Variants in CAMTA1 observed in about 807,000 individuals in gnomAD.
CAMTA1 encodes calmodulin-binding transcription activator 1.
A neutral mutation model predicts 170.9 loss-of-function variants in CAMTA1; 27 were observed. The ratio of observed to expected loss-of-function variants is 0.16; its 90% CI spans 0.12 to 0.22. CAMTA1 has a LOEUF of 0.22. CAMTA1 is among the 10% of genes least tolerant of loss of function. The probability of loss-of-function intolerance (pLI) is 1.00; values close to 1 mark genes in which losing one functional copy is unlikely to be tolerated. For missense variants in CAMTA1, 1,619 were observed against 2,217.2 expected, an observed-to-expected ratio of 0.73 and a Z score of 5.42; for synonymous variants, 833 against 891.5, an observed-to-expected ratio of 0.93 and a Z score of 1.17.
chr1:7,240,018 A>G lies in CAMTA1; in HGVS notation c.303-9473A>G, dbSNP rs142656335. On this transcript the variant is annotated intron_variant, in intron 4 of 22. Transcript: ENST00000303635. Reference sequence around the variant, plus strand: ...CTCTTATTAGGCCTGACCTCCCAACAGTGTTGTAGTGGGGATTAAGTTTCC... The same window carrying G: ...CTCTTATTAGGCCTGACCTCCCAACGGTGTTGTAGTGGGGATTAAGTTTCC... Among the ~76,000 whole-genome samples the G allele has an allele frequency of 5.1e-3, 770 of 152,300 alleles. 15 individuals are homozygous for G. The highest frequency in any genetic ancestry group is 0.039 in the Admixed American group (593 of 15,296).
chr1:7,296,828 A>G (rs1341617234), intron 5 of CAMTA1, among the ~76,000 whole-genome samples: 2 of 152,148 alleles, frequency 1.3e-5, no homozygotes, highest in East Asian at 3.8e-4. Context: ...GAGAAAGAGT[A>G]TAAAGGAGAG....
At chr1:7,085,077 G>A (rs1446526712) in intron 3 of CAMTA1, among the ~76,000 whole-genome samples, 2 of 152,212 alleles carry the variant, frequency 1.3e-5, no homozygotes, top group Non-Finnish European at 2.9e-5. Flanking sequence ...GTGGCTTGCT[G>A]CACCCATCAA....
At chr1:7,085,868 G>A (rs1640669170) in intron 3 of CAMTA1, among the ~76,000 whole-genome samples, 1 of 152,252 alleles carries the variant, frequency 6.6e-6, no homozygotes, top group Non-Finnish European at 1.5e-5. Context: ...TCTGGGTGGT[G>A]GAGATGGATG....
At chr1:7,556,122 G>A (rs544376158) in intron 6 of CAMTA1, among the ~76,000 whole-genome samples, 5 of 152,340 alleles carry the variant, frequency 3.3e-5, no homozygotes, top group South Asian at 4.1e-4. Context: ...CAAGTAAGAC[G>A]GGGTGAGCAG....
At chr1:7,731,171 C>T (rs1577253520) in intron 11 of CAMTA1, among the ~76,000 whole-genome samples, 1 of 151,998 alleles carries the variant, frequency 6.6e-6, no homozygotes, top group Middle Eastern at 3.2e-3. Flanking sequence ...AGAATCACAA[C>T]GTGTTTTCTC....
rs756236189 is a variant in CAMTA1, at chr1:7,065,814, A to G, written c.235-25490A>G. Among the ~76,000 whole-genome samples, 1 of 152,214 alleles carries G rather than the reference A, an allele frequency of 6.6e-6. No homozygotes were observed. Among genetic ancestry groups the G allele is most frequent in the Non-Finnish European group, 1.5e-5 (1 of 68,030 alleles). On this transcript the variant is annotated intron_variant, in intron 3 of 22. Coordinates refer to ENST00000303635, the MANE Select transcript of CAMTA1 (RefSeq NM_015215.4). This position sits in a 1 kb window ranked among gnomAD's most constrained non-coding sequence, Gnocchi z 5.2. ...TGGTAAAATAGTTTTCTTCTGTCAAAGAGCAAGTGGCCTTTAAGGCATGTT... is the reference window on the plus strand; with the variant it reads ...TGGTAAAATAGTTTTCTTCTGTCAAGGAGCAAGTGGCCTTTAAGGCATGTT...
intron 4 of CAMTA1, among the ~76,000 whole-genome samples, chr1:7,194,803 A>G (rs1218463948): frequency 6.6e-6 from 1 of 152,170 alleles, no homozygotes; most frequent in Non-Finnish European, 1.5e-5. Flanking sequence ...TGAGGCTAAG[A>G]GAAATATTGG....
chr1:7,618,510 A>G (rs907378278), intron 6 of CAMTA1, among the ~76,000 whole-genome samples: 1 of 152,166 alleles, frequency 6.6e-6, no homozygotes, highest in Non-Finnish European at 1.5e-5. Context: ...CTGACTCTGT[A>G]CTGTTTATCG....
chr1:7,418,283 C>T (rs1018194093), intron 5 of CAMTA1, among the ~76,000 whole-genome samples: 1 of 152,202 alleles, frequency 6.6e-6, no homozygotes. Flanking sequence ...GCAACCTCCA[C>T]CTCCCAGGTT....
chr1:6,926,438 C>CTCTTTCTTTCTTTCTTTCTT lies in CAMTA1; in HGVS notation c.234+101260_234+101279dup, dbSNP rs70984040. 9.7e-4 allele frequency among the ~76,000 whole-genome samples: 122 copies of CTCTTTCTTTCTTTCTTTCTT among 126,186 alleles called. 1 individual carries two copies. The highest frequency in any genetic ancestry group is 8.0e-3 in the Middle Eastern group (2 of 250). 82.8% of individuals were successfully genotyped at this position (126,186 alleles called of 152,430 possible). A position where few individuals can be genotyped will look rare whatever the true frequency, so the allele number is the denominator to read the frequency against. On this transcript the variant is annotated intron_variant, in intron 3 of 22. Coordinates refer to ENST00000303635, the MANE Select transcript of CAMTA1 (RefSeq NM_015215.4). The stretch of plus-strand genomic sequence containing the variant: ...CTTTTCTTTTCTCTTTCTTTCTTTT[C>CTCTTTCTTTCTTTCTTTCTT]TCTTTCTTTCTTTCTTTCTTTCTTT...
chr1:7,651,284 A>G (rs2095847327), intron 7 of CAMTA1, among the ~76,000 whole-genome samples: 1 of 152,172 alleles, frequency 6.6e-6, no homozygotes, highest in Non-Finnish European at 1.5e-5. Context: ...ACAGCCCTCC[A>G]GAAAAGGACA....
intron 6 of CAMTA1, among the ~76,000 whole-genome samples, chr1:7,484,768 G>A (rs1006893339): frequency 2.0e-5 from 3 of 151,886 alleles, no homozygotes; most frequent in African/African-American, 2.4e-5. Context: ...CAACCTGGGC[G>A]ACAGAGCGAG....
Position 6,864,890 on chromosome 1 carries a change from T to C in CAMTA1, c.234+39680T>C, listed in dbSNP as rs116033543. Among the ~76,000 whole-genome samples, 533 of 152,294 alleles carry C rather than the reference T, an allele frequency of 3.5e-3. 4 individuals carry two copies. Among genetic ancestry groups the C allele is most frequent in the African/African-American group, 0.012 (505 of 41,562 alleles). On this transcript the variant is annotated intron_variant, in intron 3 of 22. Coordinates refer to ENST00000303635, the MANE Select transcript of CAMTA1 (RefSeq NM_015215.4). ...TGAGACGTGCCTCGGCATGTCACTG[T>C]GTGTCCCTGTTACCTGTACTGAGCC...
intron 5 of CAMTA1, among the ~76,000 whole-genome samples, chr1:7,298,703 G>A (rs1674337570): frequency 6.6e-6 from 1 of 152,164 alleles, no homozygotes; most frequent in South Asian, 2.1e-4. Flanking sequence ...TTACCAAATT[G>A]TTTATCCAGC....
chr1:7,245,588 C>T (rs569717884), intron 4 of CAMTA1, among the ~76,000 whole-genome samples: 66 of 152,104 alleles, frequency 4.3e-4, no homozygotes, highest in African/African-American at 1.6e-3. Context: ...TTGCACTGAG[C>T]GCTATTGGTT....
At chr1:7,598,923 T>A (rs2095420620) in intron 6 of CAMTA1, among the ~76,000 whole-genome samples, 1 of 152,242 alleles carries the variant, frequency 6.6e-6, no homozygotes, top group Non-Finnish European at 1.5e-5. Flanking sequence ...TCTTTCGCTG[T>A]GCAGAAGCTC....
chr1:7,262,918 C>T (rs1474469375), intron 5 of CAMTA1, among the ~76,000 whole-genome samples: 7 of 152,166 alleles, frequency 4.6e-5, no homozygotes, highest in Non-Finnish European at 8.8e-5. Flanking sequence ...GCAGAGAGGT[C>T]GGGTGCCAGC....
intron 6 of CAMTA1, among the ~76,000 whole-genome samples, chr1:7,629,983 T>A (rs1473706233): frequency 1.3e-5 from 2 of 152,096 alleles, no homozygotes; most frequent in Non-Finnish European, 2.9e-5. Context: ...GTAGCTCCCA[T>A]ACCCTCTGAC....
In CAMTA1 at chr1:7,027,888, ATTTCTT is replaced by A. The variant is rs146130554; in HGVS notation, c.235-63401_235-63396del. On this transcript the variant is annotated intron_variant, in intron 3 of 22. Coordinates refer to ENST00000303635, the MANE Select transcript of CAMTA1 (RefSeq NM_015215.4). The stretch of plus-strand genomic sequence containing the variant: ...TCTTTTACTGCCAACCAGAGATATT[ATTTCTT>A]TTTCTTTTTCTTTTCTTTTTTTTTT... 6.5e-3 allele frequency among the ~76,000 whole-genome samples: 985 copies of A among 150,408 alleles called. 10 individuals are homozygous for A. Among genetic ancestry groups the A allele is most frequent in the African/African-American group, 0.023 (941 of 40,900 alleles).
Sources: gnomAD v4.1 joint callset for allele counts (sites outside exome capture counted in the v4.1 genomes callset) on GRCh38, gnomAD v4.1.1 for gene constraint, Gnocchi (gnomAD v3.1) non-coding constraint, MANE v1.5 for transcripts, NCBI Gene and HGNC (gene_info 2026-07-23, HGNC 2026-07-21) for gene names.